The following CDC14A variants were observed in gnomAD, a reference collection of about 807,000 sequenced individuals.
The protein encoded by CDC14A is cell division cycle 14A, also known as dual specificity protein phosphatase CDC14A.
In CDC14A, 53 loss-of-function variants were observed where a neutral mutation model predicts 74.4. The ratio of observed to expected loss-of-function variants is 0.71; its 90% confidence interval spans 0.57 to 0.89. The LOEUF (loss-of-function observed/expected upper bound fraction) is 0.89, where lower values mean the gene tolerates loss of function less well. Ranked by LOEUF, CDC14A falls within the 40% of genes least tolerant of loss-of-function variation. The pLI, the probability that CDC14A is intolerant of heterozygous loss-of-function variation, is 0.00. For synonymous variants in CDC14A, 247 were observed against 258.4 expected, an observed-to-expected ratio of 0.96 and a Z score of 0.43; for missense variants, 646 against 713.7, an observed-to-expected ratio of 0.91 and a Z score of 1.08.
At chr1:100,484,052 C>G (rs1439590067) in intron 10 of CDC14A, among the ~76,000 whole-genome samples, 3 of 152,078 alleles carry the variant, frequency 2.0e-5, no homozygotes, top group Non-Finnish European at 4.4e-5. Flanking sequence ...CTTCAGCAGT[C>G]AACTATATAG....
intron 2 of CDC14A, 72 bp from the exon 3 acceptor site, chr1:100,377,474 A>G (rs757135724): frequency 3.0e-5 from 28 of 934,426 alleles, no homozygotes; most frequent in Admixed American, 6.2e-5. Flanking sequence ...ATGAAATTAA[A>G]GATGAACATT....
At chr1:100,489,334 T>G (rs1007645979) in intron 11 of CDC14A, among the ~76,000 whole-genome samples, 9 of 152,222 alleles carry the variant, frequency 5.9e-5, no homozygotes, top group Non-Finnish European at 1.0e-4. Flanking sequence ...TTATGTCATT[T>G]TTCTATTAGG....
At chr1:100,393,494 C>G in intron 4 of CDC14A, 1 of 768,240 alleles carries the variant, frequency 1.3e-6, no homozygotes, top group Non-Finnish European at 2.4e-6. Flanking sequence ...CAGCCAGTCT[C>G]TCAAATTCAT....
Position 100,519,498 on chromosome 1 carries a change from G to A in CDC14A, c.*1218G>A, listed in dbSNP as rs1650519276. On this transcript the variant is annotated 3_prime_UTR_variant, in exon 16 of 16. Coordinates refer to ENST00000336454, the MANE Select transcript of CDC14A (RefSeq NM_003672.4). ...CTTCCAGGCTGCTTAAGAATGGACT[G>A]CTTCGACACTGAAAGTGCTAGTTAA... 6.6e-6 allele frequency: 1 copy of A among 152,138 alleles called. No homozygotes were observed. Among genetic ancestry groups the A allele is most frequent in the Non-Finnish European group, 1.5e-5 (1 of 67,972 alleles). The allele number at this position is 152,138 out of a possible 1,614,324, so 9.4% of individuals were successfully genotyped here.
At chr1:100,357,551 T>C (rs953306047) in intron 2 of CDC14A, among the ~76,000 whole-genome samples, 2 of 152,156 alleles carry the variant, frequency 1.3e-5, no homozygotes, top group African/African-American at 4.8e-5. Context: ...AGAATATATT[T>C]ATATTCATTA....
intron 10 of CDC14A, among the ~76,000 whole-genome samples, chr1:100,483,501 T>C (rs1669707705): frequency 1.3e-5 from 2 of 152,148 alleles, no homozygotes; most frequent in South Asian, 4.1e-4. Flanking sequence ...AACCACAGTG[T>C]TTTTAGTTTA....
intron 15 of CDC14A, among the ~76,000 whole-genome samples, chr1:100,507,992 A>T (rs1649386949): frequency 6.6e-6 from 1 of 152,082 alleles, no homozygotes; most frequent in East Asian, 1.9e-4. Flanking sequence ...TAGCCCCCAA[A>T]CTTATATTGG....
chr1:100,433,091 G>A (rs547963569), intron 5 of CDC14A, among the ~76,000 whole-genome samples: 1 of 151,624 alleles, frequency 6.6e-6, no homozygotes, highest in Non-Finnish European at 1.5e-5. Context: ...TATTGTCCAG[G>A]CTAGTCTCAA....
intron 2 of CDC14A, among the ~76,000 whole-genome samples, chr1:100,360,478 G>A (rs560952221): frequency 2.1e-4 from 32 of 151,884 alleles, no homozygotes; most frequent in African/African-American, 7.7e-4. Context: ...CGAATAGCTG[G>A]GATTATGGGT....
At chr1:100,477,866 G>A (rs115595737) in intron 10 of CDC14A, among the ~76,000 whole-genome samples, 4,093 of 152,282 alleles carry the variant, frequency 0.027, 99 homozygotes, top group Non-Finnish European at 0.045. Context: ...ACTTTAGAAA[G>A]GCTGGTTTGT....
chr1:100,379,534 C>T (rs950240746), intron 3 of CDC14A, among the ~76,000 whole-genome samples: 8 of 152,092 alleles, frequency 5.3e-5, no homozygotes, highest in Non-Finnish European at 1.2e-4. Flanking sequence ...ATTTACTGTA[C>T]CAGTCCAAAG....
intron 9 of CDC14A, among the ~76,000 whole-genome samples, chr1:100,466,643 G>A (rs549131377): frequency 3.2e-4 from 49 of 152,232 alleles, no homozygotes; most frequent in Admixed American, 1.9e-3. Context: ...GGCCGAGGAG[G>A]GCAGATCACC....
chr1:100,413,652 TTGG>T (rs1271118768), intron 4 of CDC14A, among the ~76,000 whole-genome samples: 1 of 152,198 alleles, frequency 6.6e-6, no homozygotes, highest in Non-Finnish European at 1.5e-5. Context: ...CCTGGCAAGT[TTGG>T]TAGGCTTCCT....
At chr1:100,421,664 T>A (rs1662376134) in intron 4 of CDC14A, among the ~76,000 whole-genome samples, 1 of 152,198 alleles carries the variant, frequency 6.6e-6, no homozygotes, top group South Asian at 2.1e-4. Context: ...TTTCCAGACC[T>A]ATGCTACCAA....
At chr1:100,379,420 T>G (rs112292808) in intron 3 of CDC14A, among the ~76,000 whole-genome samples, 43 of 152,376 alleles carry the variant, frequency 2.8e-4, no homozygotes, top group African/African-American at 1.0e-3. Flanking sequence ...TAATGGGCAC[T>G]GCATTACTTG....
intron 2 of CDC14A, among the ~76,000 whole-genome samples, chr1:100,375,335 AGGCTTTGATT>A (rs1207177465): frequency 1.3e-5 from 2 of 152,226 alleles, no homozygotes; most frequent in African/African-American, 4.8e-5. Flanking sequence ...ATGTTGTGTA[AGGCTTTGATT>A]GCTGGGCCAA....
intron 10 of CDC14A, among the ~76,000 whole-genome samples, chr1:100,477,821 A>T (rs181270013): frequency 2.0e-5 from 3 of 152,348 alleles, no homozygotes; most frequent in Admixed American, 2.0e-4. Context: ...AAAGTCAATC[A>T]GTGCTTTTTA....
intron 10 of CDC14A, among the ~76,000 whole-genome samples, chr1:100,479,221 T>C (rs1669213181): frequency 6.6e-6 from 1 of 152,188 alleles, no homozygotes; most frequent in Non-Finnish European, 1.5e-5. Context: ...CTAACACTAA[T>C]GGTTTGAGTT....
At chr1:100,454,806 ACT>A (rs1380268935) in intron 7 of CDC14A, among the ~76,000 whole-genome samples, 3 of 152,016 alleles carry the variant, frequency 2.0e-5, no homozygotes, top group Non-Finnish European at 2.9e-5. Context: ...GGAGCACCTG[ACT>A]CTATGTATGT....
Sources: gnomAD v4.1 joint callset for allele counts (sites outside exome capture counted in the v4.1 genomes callset) on GRCh38, gnomAD v4.1.1 for gene constraint, MANE v1.5 for transcripts, NCBI Gene and HGNC (gene_info 2026-07-23, HGNC 2026-07-21) for gene names.